MNAT1: variants seen among roughly 807,000 people sequenced by gnomAD.
The protein encoded by MNAT1 is CDK-activating kinase assembly factor MAT1.
A neutral mutation model predicts 42.0 loss-of-function variants in MNAT1; 43 were observed. The observed-to-expected ratio is 1.02, with a 90% CI of 0.80 to 1.32. The LOEUF (loss-of-function observed/expected upper bound fraction) is 1.32, where lower values mean the gene tolerates loss of function less well. MNAT1 is among the 40% of genes most tolerant of loss of function. The probability of loss-of-function intolerance (pLI) is 0.00; values close to 1 mark genes in which losing one functional copy is unlikely to be tolerated. For missense variants in MNAT1, 306 were observed against 350.4 expected, an observed-to-expected ratio of 0.87 and a Z score of 1.01; for synonymous variants, 118 against 120.0, an observed-to-expected ratio of 0.98 and a Z score of 0.11.
At chr14:60,960,018 T>C (rs1015548678) in intron 7 of MNAT1, among the ~76,000 whole-genome samples, 1 of 151,880 alleles carries the variant, frequency 6.6e-6, no homozygotes, top group African/African-American at 2.4e-5. Context: ...CTGATAGTAT[T>C]CCATTGTATC....
intron 1 of MNAT1, among the ~76,000 whole-genome samples, chr14:60,743,875 C>T (rs137935857): frequency 1.8e-3 from 280 of 152,266 alleles, no homozygotes; most frequent in African/African-American, 6.6e-3. Context: ...TTTCTAATCT[C>T]ATCCAATAGA....
At chr14:60,921,800 G>T (rs1161970067) in intron 7 of MNAT1, among the ~76,000 whole-genome samples, 3 of 152,214 alleles carry the variant, frequency 2.0e-5, no homozygotes, top group Non-Finnish European at 4.4e-5. Context: ...AAATCCTAAA[G>T]AACAGGAATG....
At chr14:60,933,538 A>C (rs2035929638) in intron 7 of MNAT1, among the ~76,000 whole-genome samples, 1 of 152,154 alleles carries the variant, frequency 6.6e-6, no homozygotes, top group South Asian at 2.1e-4. Flanking sequence ...GAAAAATGTA[A>C]AGAAAATAAG....
intron 6 of MNAT1, among the ~76,000 whole-genome samples, chr14:60,841,847 A>G (rs941203585): frequency 6.6e-6 from 1 of 152,220 alleles, no homozygotes; most frequent in Non-Finnish European, 1.5e-5. Context: ...TGGTGATACT[A>G]TTCTGAAGAC....
intron 6 of MNAT1, among the ~76,000 whole-genome samples, chr14:60,851,965 G>T (rs983456595): frequency 2.0e-5 from 3 of 152,076 alleles, no homozygotes; most frequent in African/African-American, 7.2e-5. Flanking sequence ...TGCGCATTTG[G>T]GTTGGTTCCA....
At chr14:60,934,087 G>T (rs1056990881) in intron 7 of MNAT1, among the ~76,000 whole-genome samples, 1 of 152,188 alleles carries the variant, frequency 6.6e-6, no homozygotes, top group Admixed American at 6.5e-5. Context: ...TAGAAAGAGA[G>T]TTTATTGGTT....
At chr14:60,742,358 G>A (rs568562252) in intron 1 of MNAT1, among the ~76,000 whole-genome samples, 4 of 152,048 alleles carry the variant, frequency 2.6e-5, no homozygotes, top group African/African-American at 9.7e-5. Flanking sequence ...AAAGTTCTGG[G>A]ATTACAGTCA....
At chr14:60,938,025 T>C (rs1267760497) in intron 7 of MNAT1, among the ~76,000 whole-genome samples, 1 of 152,156 alleles carries the variant, frequency 6.6e-6, no homozygotes, top group Non-Finnish European at 1.5e-5. Context: ...GATTTGGCTG[T>C]TTGTCTGTTA....
intron 7 of MNAT1, among the ~76,000 whole-genome samples, chr14:60,931,154 T>G (rs987318478): frequency 6.6e-6 from 1 of 152,168 alleles, no homozygotes; most frequent in African/African-American, 2.4e-5. Context: ...ACTTGGCCAC[T>G]GACTTCAGGT....
intron 3 of MNAT1, chr14:60,799,293 A>G (rs1351376228): frequency 2.0e-6 from 2 of 985,220 alleles, no homozygotes; most frequent in Non-Finnish European, 2.4e-6. Context: ...AGCTGAAAAG[A>G]TGGTAGAATT....
At chr14:60,940,531 C>T (rs1258129943) in intron 7 of MNAT1, among the ~76,000 whole-genome samples, 1 of 152,194 alleles carries the variant, frequency 6.6e-6, no homozygotes, top group African/African-American at 2.4e-5. Context: ...CATTCTTCTG[C>T]CTCAGCCTCC....
chr14:60,749,237 C>T (rs1186590200), intron 1 of MNAT1, among the ~76,000 whole-genome samples: 3 of 152,138 alleles, frequency 2.0e-5, no homozygotes, highest in Non-Finnish European at 1.5e-5. Flanking sequence ...AAGTTATGTT[C>T]TCAAACTTGT....
chr14:60,759,826 T>A (rs2030521029), intron 1 of MNAT1, among the ~76,000 whole-genome samples: 1 of 152,232 alleles, frequency 6.6e-6, no homozygotes, highest in Non-Finnish European at 1.5e-5. Flanking sequence ...GTGGATGATT[T>A]GTTAATAAAA....
chr14:60,872,431 T>C (rs1433433479), intron 6 of MNAT1, among the ~76,000 whole-genome samples: 1 of 152,180 alleles, frequency 6.6e-6, no homozygotes, highest in Non-Finnish European at 1.5e-5. Context: ...CTGCCTCTGT[T>C]AATCAGCTCT....
intron 1 of MNAT1, among the ~76,000 whole-genome samples, chr14:60,750,853 A>G (rs2030060476): frequency 6.6e-6 from 1 of 152,164 alleles, no homozygotes; most frequent in Admixed American, 6.5e-5. Context: ...AAATATGGAA[A>G]TGGTTTTGTC....
intron 1 of MNAT1, among the ~76,000 whole-genome samples, chr14:60,750,298 C>T (rs1429260198): frequency 6.6e-6 from 1 of 151,472 alleles, no homozygotes; most frequent in Non-Finnish European, 1.5e-5. Context: ...GCGATCTCGG[C>T]TCACTGCAAG....
intron 7 of MNAT1, among the ~76,000 whole-genome samples, chr14:60,943,002 TA>T: frequency 1.1e-5 from 1 of 86,966 alleles, no homozygotes; most frequent in East Asian, 4.1e-4. Flanking sequence ...GAACCACATG[TA>T]GTGTGTGTGT....
At chr14:60,940,687 A>C (rs1463211097) in intron 7 of MNAT1, among the ~76,000 whole-genome samples, 1 of 152,110 alleles carries the variant, frequency 6.6e-6, no homozygotes, top group African/African-American at 2.4e-5. Context: ...AAAGTGCTGG[A>C]ATTACAGCCG....
At chr14:60,931,525 G>C (rs2035882176) in intron 7 of MNAT1, among the ~76,000 whole-genome samples, 1 of 152,154 alleles carries the variant, frequency 6.6e-6, no homozygotes, top group South Asian at 2.1e-4. Context: ...ACCAAAATAG[G>C]TAGACTGTAA....
Sources: allele counts gnomAD v4.1 joint callset (sites outside exome capture counted in the v4.1 genomes callset), GRCh38; gene constraint gnomAD v4.1.1; transcripts MANE v1.5; gene names NCBI Gene and HGNC (gene_info 2026-07-23, HGNC 2026-07-21).